EPS15: variants seen among roughly 807,000 people sequenced by gnomAD.
EPS15 encodes epidermal growth factor receptor pathway substrate 15, also known as epidermal growth factor receptor substrate 15.
EPS15 carries 72 observed loss-of-function variants against 113.8 expected under a neutral mutation model. That is an observed-to-expected ratio of 0.63 (90% CI 0.52 to 0.77). The LOEUF is 0.77. Among genes scored for constraint, EPS15 ranks in the 30% least tolerant of loss-of-function variants. The pLI is 0.00. For missense variants in EPS15, 1,048 were observed against 1,045.8 expected, an observed-to-expected ratio of 1.00 and a Z score of -0.03; for synonymous variants, 344 against 363.4, an observed-to-expected ratio of 0.95 and a Z score of 0.61.
chr1:51,468,766 C>T (rs943967008), intron 4 of EPS15, among the ~76,000 whole-genome samples, 198 bp from the exon 5 acceptor site: 2 of 151,874 alleles, frequency 1.3e-5, no homozygotes, highest in African/African-American at 4.8e-5. Context: ...ATTTATGAAT[C>T]GCTAATAATA....
intron 1 of EPS15, among the ~76,000 whole-genome samples, chr1:51,514,375 TAA>T (rs34317895): frequency 0.022 from 3,292 of 151,882 alleles, 27 homozygotes; most frequent in Middle Eastern, 0.034. Context: ...ATTTTTTTTT[TAA>T]AAACTTTTAT....
intron 12 of EPS15, among the ~76,000 whole-genome samples, chr1:51,438,954 G>C (rs1652372784): frequency 6.6e-6 from 1 of 151,836 alleles, no homozygotes; most frequent in African/African-American, 2.4e-5. Context: ...TTCAATATTA[G>C]AAGTTTTATG....
chr1:51,460,901 C>T lies in EPS15; in HGVS notation c.561+190G>A. Reference sequence around the variant, plus strand: ...CCTGGGAGGTAGAGGTTGTGGTGAGCCAAGATTGTGCCACTGCACTCCAGC... The same window carrying T: ...CCTGGGAGGTAGAGGTTGTGGTGAGTCAAGATTGTGCCACTGCACTCCAGC... On this transcript the variant is annotated intron_variant, in intron 8 of 24. Coordinates refer to ENST00000371733, the MANE Select transcript of EPS15 (RefSeq NM_001981.3). 5 of 472,370 alleles carry T rather than the reference C, an allele frequency of 1.1e-5. No individual in the cohort carries two copies. The South Asian group carries it at 1.3e-4, about 12-fold the overall frequency. The allele number at this position is 472,370 out of a possible 1,614,324, so 29.3% of individuals were successfully genotyped here.
At chr1:51,432,882 T>C (rs994009059) in intron 12 of EPS15, among the ~76,000 whole-genome samples, 2 of 152,202 alleles carry the variant, frequency 1.3e-5, no homozygotes, top group African/African-American at 4.8e-5. Context: ...AATACCATTC[T>C]TAAGGCAGAG....
chr1:51,429,848 A>G (rs1651560775), intron 12 of EPS15, among the ~76,000 whole-genome samples: 1 of 151,862 alleles, frequency 6.6e-6, no homozygotes, highest in Non-Finnish European at 1.5e-5. Context: ...ATGGGGTTTC[A>G]CCTTATTGGG....
chr1:51,508,380 G>GAAAGAA (rs1390307431), intron 1 of EPS15, among the ~76,000 whole-genome samples: 3 of 147,920 alleles, frequency 2.0e-5, no homozygotes, highest in Non-Finnish European at 4.5e-5. Context: ...AAGAAAGAAA[G>GAAAGAA]AAAGAGAAAA....
At chr1:51,513,958 G>GAA (rs1471476420) in intron 1 of EPS15, among the ~76,000 whole-genome samples, 14 of 152,114 alleles carry the variant, frequency 9.2e-5, no homozygotes, top group Non-Finnish European at 2.9e-5. Flanking sequence ...ATGCCATAGA[G>GAA]AAAAGCTAAA....
intron 13 of EPS15, 134 bp from the exon 14 acceptor site, chr1:51,409,830 C>T (rs1390621716): frequency 6.7e-6 from 4 of 594,584 alleles, no homozygotes; most frequent in African/African-American, 3.8e-5. Context: ...GGGTACTTAA[C>T]AGCTTTAAAT....
chr1:51,434,980 A>G (rs1434724286), intron 12 of EPS15, among the ~76,000 whole-genome samples: 2 of 151,572 alleles, frequency 1.3e-5, no homozygotes, highest in East Asian at 2.0e-4. Context: ...CCATGTGAAT[A>G]TATTTCATAC....
intron 7 of EPS15, among the ~76,000 whole-genome samples, chr1:51,462,493 C>T (rs1654538348): frequency 6.6e-6 from 1 of 151,870 alleles, no homozygotes; most frequent in South Asian, 2.1e-4. Context: ...CGGAGAAGCC[C>T]AGCTGAAGCT....
At chr1:51,391,592 G>T (rs1246788748) in intron 21 of EPS15, among the ~76,000 whole-genome samples, 4 of 152,204 alleles carry the variant, frequency 2.6e-5, no homozygotes, top group Non-Finnish European at 5.9e-5. Flanking sequence ...CAAAGAACAT[G>T]GGTCTGTTGT....
At position 51,363,995 on chromosome 1, in the gene EPS15, A is replaced by G. The variant is rs775435101; in HGVS notation, c.2230T>C (p.Ser744Pro). ...ATCACTACGTTGCTGACAGAGCTCG[A>G]TGTGGCTGAACGAAAAGGATCTTCA... ...NNEDPFRSAT[S>P]SSVSNVVITK... The change falls in exon 23 of 25, where the codon TCG becomes CCG. Residue 744 changes from serine (S) to proline (P), a missense_variant. Ser to Pro is a moderately conservative substitution (Grantham distance 74, BLOSUM62 -1). Coordinates refer to ENST00000371733, the MANE Select transcript of EPS15 (RefSeq NM_001981.3). The G allele has an allele frequency of 6.2e-7, 1 of 1,613,528 alleles. No homozygotes were observed.
At position 51,456,358 on chromosome 1, in the gene EPS15, G is replaced by A. The variant is rs116686423; in HGVS notation, c.561+4733C>T. Among the ~76,000 whole-genome samples the A allele has an allele frequency of 9.4e-3, 1,427 of 152,070 alleles. 23 individuals are homozygous for A. Among genetic ancestry groups the A allele is most frequent in the African/African-American group, 0.033 (1,358 of 41,468 alleles). On this transcript the variant is annotated intron_variant, in intron 8 of 24. Transcript: ENST00000371733. ...AAAAAAATAAACACAAAGCAGACAC[G>A]GGGTCTTTAAAACAAACAAACAAAA...
chr1:51,426,837 C>CTCTCTCTCTCTATATATATA (rs377211027), intron 12 of EPS15, among the ~76,000 whole-genome samples: 4 of 143,568 alleles, frequency 2.8e-5, no homozygotes, highest in African/African-American at 1.1e-4. Flanking sequence ...CTCTCTCTCT[C>CTCTCTCTCTCTATATATATA]TATATATATA....
At chr1:51,450,055 A>G (rs185729957) in intron 8 of EPS15, among the ~76,000 whole-genome samples, 1 of 151,716 alleles carries the variant, frequency 6.6e-6, no homozygotes, top group East Asian at 1.9e-4. Flanking sequence ...TTACTGGATC[A>G]CTCAAGAGAT....
chr1:51,414,656 C>T (rs929993892), intron 13 of EPS15, among the ~76,000 whole-genome samples: 8 of 152,016 alleles, frequency 5.3e-5, no homozygotes, highest in African/African-American at 1.9e-4. Context: ...TCCCTCATAC[C>T]CCAAAGAAAA....
chr1:51,469,282 A>G (rs765079882), intron 4 of EPS15, among the ~76,000 whole-genome samples: 1 of 152,250 alleles, frequency 6.6e-6, no homozygotes, highest in African/African-American at 2.4e-5. Context: ...TTGTGAGATT[A>G]TAAATTTTGA....
At chr1:51,486,526 G>A (rs1313922074) in intron 1 of EPS15, among the ~76,000 whole-genome samples, 1 of 151,678 alleles carries the variant, frequency 6.6e-6, no homozygotes, top group Non-Finnish European at 1.5e-5. Context: ...CAACTTATTT[G>A]TATCAAAGAC....
intron 8 of EPS15, among the ~76,000 whole-genome samples, chr1:51,459,827 C>T (rs1309790941): frequency 6.6e-6 from 1 of 151,644 alleles, no homozygotes; most frequent in Non-Finnish European, 1.5e-5. Context: ...AAACTTTGTA[C>T]CAATATCTAT....
Sources: allele counts gnomAD v4.1 joint callset (sites outside exome capture counted in the v4.1 genomes callset), GRCh38; gene constraint gnomAD v4.1.1; transcripts MANE v1.5; gene names NCBI Gene and HGNC (gene_info 2026-07-23, HGNC 2026-07-21).